The following ATXN10 variants were observed in gnomAD, a reference collection of about 807,000 sequenced individuals.
ATXN10 encodes ataxin 10, also known as ataxin-10.
Under a neutral mutation model 52.9 loss-of-function variants are expected in ATXN10, and 28 were observed. The observed-to-expected ratio is 0.53, with a 90% confidence interval of 0.39 to 0.73. The LOEUF is 0.73. ATXN10 is among the 30% of genes least tolerant of loss of function. ATXN10 has a pLI of 0.00. For synonymous variants in ATXN10, 226 were observed against 221.5 expected (o/e 1.02, Z -0.18); for missense variants, 565 against 577.0 (o/e 0.98, Z 0.21).
rs556945223 is a variant in ATXN10 at position 45,683,250 on chromosome 22, C to T, written c.117-6462C>T. Among the ~76,000 whole-genome samples, 4 of 152,200 alleles carry T rather than the reference C, an allele frequency of 2.6e-5. No individual in the cohort carries two copies. The highest frequency in any genetic ancestry group is 7.2e-5 in the African/African-American group (3 of 41,544). On this transcript the variant is annotated intron_variant, in intron 1 of 11. Coordinates refer to ENST00000252934, the MANE Select transcript of ATXN10 (RefSeq NM_013236.4). The surrounding 1 kb of genome is among the most constrained non-coding windows in gnomAD (Gnocchi z 4.8). ...ATGAGAATTGCTTGAACTTGGGAGG[C>T]GGGGGTTGCAGTGAGCTGAGATCCT...
In ATXN10 at chr22:45,748,342, A is replaced by G. The variant is rs142884509; in HGVS notation, c.1173+7804A>G. On this transcript the variant is annotated intron_variant, in intron 9 of 11. Coordinates refer to ENST00000252934, the MANE Select transcript of ATXN10 (RefSeq NM_013236.4). ...ATTTACATAGAAATTTGTAGACAAC[A>G]TTTCACAAGGATTTGCAAAGTTCAA... Among the ~76,000 whole-genome samples the G allele has an allele frequency of 3.9e-4, 60 of 152,366 alleles. No homozygotes were observed. In the East Asian group the frequency reaches 0.011, roughly 27 times the overall value.
chr22:45,690,696 A>G lies in ATXN10; in HGVS notation c.308+793A>G, dbSNP rs1429397594. On this transcript the variant is annotated intron_variant, in intron 2 of 11. Transcript: ENST00000252934. The surrounding 1 kb of genome is among the most constrained non-coding windows in gnomAD (Gnocchi z 4.5). The stretch of plus-strand genomic sequence containing the variant: ...ATGTAAAGTTCCAAGCTCTGCTTCC[A>G]CCTATTTTATGATGCGCACATTTTT... Among the ~76,000 whole-genome samples the G allele has an allele frequency of 6.6e-5, 10 of 152,340 alleles. No homozygotes were observed. Among genetic ancestry groups the G allele is most frequent in the Middle Eastern group, 3.4e-3 (1 of 294 alleles).
chr22:45,761,227 T>A (rs1391054213), intron 9 of ATXN10, among the ~76,000 whole-genome samples: 3 of 152,148 alleles, frequency 2.0e-5, no homozygotes, highest in Non-Finnish European at 4.4e-5. Flanking sequence ...TTCAGGCGAT[T>A]CCCCAGCCTC....
chr22:45,737,047 A>G (rs756321345), intron 7 of ATXN10, among the ~76,000 whole-genome samples: 7 of 152,214 alleles, frequency 4.6e-5, no homozygotes, highest in Non-Finnish European at 1.0e-4. Context: ...TCTTCAGAAT[A>G]ATGAGTTGGT....
intron 10 of ATXN10, among the ~76,000 whole-genome samples, chr22:45,807,826 A>T (rs1446703026): frequency 6.6e-6 from 1 of 152,178 alleles, no homozygotes; most frequent in Non-Finnish European, 1.5e-5. Flanking sequence ...GAATAAGGCT[A>T]CTGCAAGGAC....
At chr22:45,710,554 C>G (rs6007145) in intron 5 of ATXN10, among the ~76,000 whole-genome samples, 1,950 of 152,320 alleles carry the variant, frequency 0.013, 34 homozygotes, top group African/African-American at 0.045. Context: ...GAATGTAGGA[C>G]TAGCTCCATA....
intron 1 of ATXN10, 47 bp from the exon 2 acceptor site, chr22:45,689,665 A>G: frequency 1.3e-6 from 2 of 1,573,026 alleles, no homozygotes; most frequent in South Asian, 1.1e-5. Context: ...ACATTTGGAA[A>G]TCATAATCTT....
At position 45,843,166 on chromosome 22, in the gene ATXN10, C is replaced by G; in HGVS notation, c.1413C>G (p.Asp471Glu). 6.2e-7 allele frequency: 1 copy of G among 1,613,968 alleles called. No homozygotes were observed. The highest frequency in any genetic ancestry group is 2.2e-5 in the East Asian group (1 of 44,878). ...AGCTGATCCTGAAATCTACTAGAGACACCCCTAAGCCAGTAAGTACCCTCG... is the reference window on the plus strand; with the variant it reads ...AGCTGATCCTGAAATCTACTAGAGAGACCCCTAAGCCAGTAAGTACCCTCG... The part of the protein sequence containing the change: ...GEKLILKSTR[D>E]TPKP Residue 471 changes from aspartate to glutamate, a missense_variant, in exon 11 of 12, where the codon GAC becomes GAG. Asp to Glu is a conservative substitution (Grantham distance 45). Transcript: ENST00000252934. The surrounding 1 kb of genome is among the most constrained non-coding windows in gnomAD (Gnocchi z 4.5).
chr22:45,692,222 G>A (rs967050401), intron 2 of ATXN10, among the ~76,000 whole-genome samples: 5 of 151,858 alleles, frequency 3.3e-5, no homozygotes, highest in Non-Finnish European at 7.4e-5. Context: ...AGTAATATAT[G>A]CAAACTATAA....
chr22:45,724,796 C>G (rs1924803248), intron 6 of ATXN10, among the ~76,000 whole-genome samples: 1 of 152,100 alleles, frequency 6.6e-6, no homozygotes, highest in African/African-American at 2.4e-5. Flanking sequence ...GGTTTCTGGT[C>G]TAGATTTAAA....
rs577640978 is a variant in ATXN10 at position 45,816,483 on chromosome 22, G to C, written c.1237+9461G>C. ...ATTTGGCGTGTTATAGTTGGGTTGG[G>C]TGGCTGTGCCTCTCCCTGAACATGA... On this transcript the variant is annotated intron_variant, in intron 10 of 11. Transcript: ENST00000252934. This position sits in a 1 kb window ranked among gnomAD's most constrained non-coding sequence, Gnocchi z 5.8. 1.1e-4 allele frequency among the ~76,000 whole-genome samples: 16 copies of C among 152,098 alleles called. No individual in the cohort carries two copies. The highest frequency in any genetic ancestry group is 8.8e-5 in the Non-Finnish European group (6 of 68,032).
At chr22:45,726,837 A>G (rs1601608952) in intron 6 of ATXN10, among the ~76,000 whole-genome samples, 1 of 152,060 alleles carries the variant, frequency 6.6e-6, no homozygotes, top group Admixed American at 6.6e-5. Flanking sequence ...ATGCACCACC[A>G]TGCCTGACTA....
chr22:45,708,819 T>C lies in ATXN10; in HGVS notation c.647+5972T>C, dbSNP rs1000303636. Among the ~76,000 whole-genome samples, 1 of 152,154 alleles carries C rather than the reference T, an allele frequency of 6.6e-6. No individual in the cohort carries two copies. Among genetic ancestry groups the C allele is most frequent in the Non-Finnish European group, 1.5e-5 (1 of 68,022 alleles). ...CACGCCTGGCTAATTTTTTGTATTT[T>C]TGGTAGAGATGGGGTTTCATCATGT... On this transcript the variant is annotated intron_variant, in intron 5 of 11. Coordinates refer to ENST00000252934, the MANE Select transcript of ATXN10 (RefSeq NM_013236.4). This position sits in a 1 kb window ranked among gnomAD's most constrained non-coding sequence, Gnocchi z 5.3.
Position 45,718,538 on chromosome 22 carries a change from T to G in ATXN10, c.728+45T>G. ...GGTCTGGAGTATTTAGCATTCCATA[T>G]AGGGTATTCGATGCACGTGACTGAA... is the stretch of plus-strand genomic sequence containing the variant. On this transcript the variant is annotated intron_variant, in intron 6 of 11. Coordinates refer to ENST00000252934, the MANE Select transcript of ATXN10 (RefSeq NM_013236.4). The surrounding 1 kb of genome is among the most constrained non-coding windows in gnomAD (Gnocchi z 4.4). The G allele has an allele frequency of 6.7e-7, 1 of 1,503,612 alleles. No homozygotes were observed. The highest frequency in any genetic ancestry group is 9.3e-7 in the Non-Finnish European group (1 of 1,079,608). 93.1% of individuals were successfully genotyped at this position (1,503,612 alleles called of 1,614,324 possible).
chr22:45,679,399 G>A (rs1922827610), intron 1 of ATXN10: 1 of 152,224 alleles, frequency 6.6e-6, no homozygotes, highest in African/African-American at 2.4e-5. Context: ...GGTAAAAAAT[G>A]ACTTGGTATT....
In ATXN10 at chr22:45,786,071, T is replaced by C. The variant is rs1927313559; in HGVS notation, c.1174-20888T>C. Among the ~76,000 whole-genome samples the C allele has an allele frequency of 6.6e-6, 1 of 152,244 alleles. No individual in the cohort carries two copies. The highest frequency in any genetic ancestry group is 1.5e-5 in the Non-Finnish European group (1 of 68,052). On this transcript the variant is annotated intron_variant, in intron 9 of 11. Coordinates refer to ENST00000252934, the MANE Select transcript of ATXN10 (RefSeq NM_013236.4). This position sits in a 1 kb window ranked among gnomAD's most constrained non-coding sequence, Gnocchi z 4.1. Reference sequence around the variant, plus strand: ...TCATTCATTATTTAAACAAAGATTTTATCTGCTAGTTGAATAATTCATGAG... The same window carrying C: ...TCATTCATTATTTAAACAAAGATTTCATCTGCTAGTTGAATAATTCATGAG...
intron 1 of ATXN10, 96 bp downstream of exon 1, chr22:45,672,275 G>T: frequency 2.5e-6 from 3 of 1,214,798 alleles, no homozygotes; most frequent in Middle Eastern, 3.3e-4. Context: ...CCCCCGCCTC[G>T]CTGGAGACGC....
rs144562472 is a variant in ATXN10, at chr22:45,681,355, G to A, written c.117-8357G>A. Among the ~76,000 whole-genome samples the A allele has an allele frequency of 5.4e-3, 815 of 151,904 alleles. 11 individuals are homozygous for A. Among genetic ancestry groups the A allele is most frequent in the African/African-American group, 0.019 (776 of 41,386 alleles). On this transcript the variant is annotated intron_variant, in intron 1 of 11. Coordinates refer to ENST00000252934, the MANE Select transcript of ATXN10 (RefSeq NM_013236.4). The surrounding 1 kb of genome is among the most constrained non-coding windows in gnomAD (Gnocchi z 4.2). ...TGTAGCTGCCTTCCCCCACAATCTC[G>A]AGTCCCAATCCCTGTTTTATCTTCT... is the stretch of plus-strand genomic sequence containing the variant.
chr22:45,752,874 C>A (rs1200965931), intron 9 of ATXN10, among the ~76,000 whole-genome samples: 1 of 152,014 alleles, frequency 6.6e-6, no homozygotes, highest in Non-Finnish European at 1.5e-5. Flanking sequence ...GCTGGGATTA[C>A]AGGCATGCGC....
Sources: allele counts gnomAD v4.1 joint callset (sites outside exome capture counted in the v4.1 genomes callset), GRCh38; gene constraint gnomAD v4.1.1; non-coding constraint Gnocchi (gnomAD v3.1); transcripts MANE v1.5; gene names NCBI Gene and HGNC (gene_info 2026-07-23, HGNC 2026-07-21).